HEATR4: variants seen among roughly 807,000 people sequenced by gnomAD.
HEATR4 encodes HEAT repeat containing 4.
A neutral mutation model predicts 108.8 loss-of-function variants in HEATR4; 95 were observed. The observed-to-expected ratio is 0.87, with a 90% CI of 0.74 to 1.04. HEATR4 has a LOEUF of 1.04. HEATR4 is among the 50% of genes least tolerant of loss of function. The pLI is 0.00. For synonymous variants in HEATR4, 443 were observed against 459.4 expected, an observed-to-expected ratio of 0.96 and a Z score of 0.46; for missense variants, 1,152 against 1,253.8, an observed-to-expected ratio of 0.92 and a Z score of 1.23.
Position 73,509,346 on chromosome 14 carries a change from A to C in HEATR4, c.1686T>G (p.Leu562=). The C allele has an allele frequency of 6.2e-7, 1 of 1,614,144 alleles. No homozygotes were observed. The highest frequency in any genetic ancestry group is 2.2e-5 in the East Asian group (1 of 44,882). Residue 562 remains leucine, a synonymous_variant, in exon 8 of 18, where the codon CTT becomes CTG. Coordinates refer to ENST00000553558, the MANE Select transcript of HEATR4 (RefSeq NM_001220484.1). ...CQYAIQSHNP[L]ARNIMQTALL... is the part of the protein sequence containing the mutation. ...GGGCAGTCTGCATGATGTTCCGGGC[A>C]AGGGGATTATGTGACTGTATGGCAT...
chr14:73,583,446 C>T, the HEATR4 span, among the ~76,000 whole-genome samples: 812 of 152,036 alleles, frequency 5.3e-3, 10 homozygotes, highest in African/African-American at 0.019. Context: ...CCTTTACCCT[C>T]CATGATCCCT....
intron 4 of HEATR4, 32 bp from the exon 5 acceptor site, chr14:73,519,195 T>C (rs1239944266): frequency 1.9e-6 from 3 of 1,588,946 alleles, no homozygotes; most frequent in Non-Finnish European, 2.6e-6. Context: ...ATGAGTCCCC[T>C]ATAACCTCCC....
the HEATR4 span, among the ~76,000 whole-genome samples, chr14:73,622,150 TG>T: frequency 6.6e-6 from 1 of 151,910 alleles, no homozygotes; most frequent in Non-Finnish European, 1.5e-5. Flanking sequence ...GAGATGCTCT[TG>T]GGGTGGGAGA....
chr14:73,569,804 G>T, the HEATR4 span: 1 of 1,602,724 alleles, frequency 6.2e-7, no homozygotes, highest in Non-Finnish European at 8.5e-7. Flanking sequence ...CGCGGCACGA[G>T]CGCTACTTCC....
At chr14:73,488,953 T>C (rs1595079215) in intron 17 of HEATR4, among the ~76,000 whole-genome samples, 1 of 151,570 alleles carries the variant, frequency 6.6e-6, no homozygotes, top group Non-Finnish European at 1.5e-5. Flanking sequence ...ACCTGGGAGG[T>C]GGAGGTTGCA....
chr14:73,564,033 A>G, the HEATR4 span, among the ~76,000 whole-genome samples: 1 of 151,340 alleles, frequency 6.6e-6, no homozygotes, highest in Non-Finnish European at 1.5e-5. Context: ...AGACACGGTG[A>G]CTCACGACTG....
At chr14:73,597,912 T>A in the HEATR4 span, among the ~76,000 whole-genome samples, 1 of 151,094 alleles carries the variant, frequency 6.6e-6, no homozygotes, top group Non-Finnish European at 1.5e-5. Context: ...TTTGTAGAGA[T>A]GGGGTTTCGC....
chr14:73,628,097 C>G, the HEATR4 span, among the ~76,000 whole-genome samples: 2 of 152,200 alleles, frequency 1.3e-5, no homozygotes, highest in Non-Finnish European at 2.9e-5. Flanking sequence ...GCGTGAGCCA[C>G]TGTGTCTGGC....
rs1885810052 is a variant in HEATR4 at position 73,492,146 on chromosome 14, T to G, written c.2844+920A>C. On this transcript the variant is annotated intron_variant, in intron 17 of 17. Transcript: ENST00000553558. This position sits in a 1 kb window ranked among gnomAD's most constrained non-coding sequence, Gnocchi z 4.9. ...ACTGGCTCTGACATCCAGCCCCAAC[T>G]TCAGTCAGGACGACCTCGGTGAGCC... is the stretch of plus-strand genomic sequence containing the variant. The G allele has an allele frequency of 6.2e-7, 1 of 1,613,796 alleles. No individual in the cohort carries two copies. Among genetic ancestry groups the G allele is most frequent in the South Asian group, 1.1e-5 (1 of 91,080 alleles).
At chr14:73,519,217 T>A in intron 4 of HEATR4, 54 bp from the exon 5 acceptor site, 1 of 1,542,472 alleles carries the variant, frequency 6.5e-7, no homozygotes, top group Non-Finnish European at 8.8e-7. Context: ...ATTTCCTTTC[T>A]CCCTGGGTTC....
At chr14:73,570,251 C>T in the HEATR4 span, among the ~76,000 whole-genome samples, 5 of 151,704 alleles carry the variant, frequency 3.3e-5, no homozygotes, top group Admixed American at 6.6e-5. Flanking sequence ...ACTGAGAGGT[C>T]CCTCAAACCT....
At chr14:73,593,715 C>T in the HEATR4 span, 1 of 1,611,674 alleles carries the variant, frequency 6.2e-7, no homozygotes, top group Non-Finnish European at 8.5e-7. Flanking sequence ...CTGGACCCTT[C>T]CCAGGGATCA....
chr14:73,563,737 A>C (rs940401684), upstream of HEATR4, among the ~76,000 whole-genome samples: 3 of 151,960 alleles, frequency 2.0e-5, no homozygotes, highest in African/African-American at 7.2e-5. Context: ...CCAAGGCAGG[A>C]GGGTCACTTG....
the HEATR4 span, chr14:73,595,815 C>A: frequency 1.2e-6 from 1 of 828,436 alleles, no homozygotes; most frequent in Non-Finnish European, 1.7e-6. Context: ...GTTAGTTTTA[C>A]TAATGTAACT....
At chr14:73,497,273 C>T (rs992391414) in intron 14 of HEATR4, among the ~76,000 whole-genome samples, 3 of 152,204 alleles carry the variant, frequency 2.0e-5, no homozygotes, top group South Asian at 2.1e-4. Context: ...CTCCTGACCT[C>T]AGGTGATCCA....
chr14:73,520,731 A>C (rs1887921679), intron 4 of HEATR4, 121 bp downstream of exon 4: 2 of 908,136 alleles, frequency 2.2e-6, no homozygotes, highest in Non-Finnish European at 3.4e-6. Flanking sequence ...CATGAACATG[A>C]AAACCTGGGT....
the HEATR4 span, chr14:73,612,452 C>A: frequency 1.5e-6 from 1 of 663,738 alleles, no homozygotes; most frequent in Non-Finnish European, 2.2e-6. Flanking sequence ...TCCCCAAGTC[C>A]AACCAATGGG....
chr14:73,519,371 A>T (rs531620342), intron 4 of HEATR4, among the ~76,000 whole-genome samples: 2 of 147,412 alleles, frequency 1.4e-5, no homozygotes, highest in Admixed American at 1.4e-4. Flanking sequence ...TCTGTGGGGG[A>T]AAAAAAAAAG....
At chr14:73,625,903 G>A in the HEATR4 span, among the ~76,000 whole-genome samples, 74 of 152,298 alleles carry the variant, frequency 4.9e-4, no homozygotes, top group South Asian at 1.4e-3. Flanking sequence ...AAGTGTTCAA[G>A]TGAAAGGAAG....
Sources: gnomAD v4.1 joint callset for allele counts (sites outside exome capture counted in the v4.1 genomes callset) on GRCh38, gnomAD v4.1.1 for gene constraint, Gnocchi (gnomAD v3.1) non-coding constraint, MANE v1.5 for transcripts, NCBI Gene and HGNC (gene_info 2026-07-23, HGNC 2026-07-21) for gene names.